The following FUBP1 variants were observed in gnomAD, a reference collection of about 807,000 sequenced individuals.
FUBP1 encodes the protein far upstream element binding protein 1.
FUBP1 carries 16 observed loss-of-function variants against 94.9 expected under a neutral mutation model. The observed-to-expected ratio is 0.17, with a 90% CI of 0.11 to 0.26. FUBP1 has a LOEUF of 0.26. FUBP1 is among the 10% of genes least tolerant of loss of function. The pLI is 1.00. For synonymous variants in FUBP1, 279 were observed against 254.9 expected (o/e 1.09, Z -0.90); for missense variants, 583 against 808.6 (o/e 0.72, Z 3.38).
At position 77,945,831 on chromosome 1, in the gene FUBP1, T is replaced by C. The variant is rs944823439; in HGVS notation, c.*2935A>G. The stretch of plus-strand genomic sequence containing the variant: ...CATCTATAAAAACACACAAACATTT[T>C]AAACTGGCAAAAAAATTAAATGCAG... On this transcript the variant is annotated 3_prime_UTR_variant, in exon 20 of 20. Transcript: ENST00000370768. The C allele has an allele frequency of 1.9e-5, 4 of 212,116 alleles. No homozygotes were observed. Among genetic ancestry groups the C allele is most frequent in the African/African-American group, 9.0e-5 (4 of 44,226 alleles). The allele number at this position is 212,116 out of a possible 1,614,324, so 13.1% of individuals were successfully genotyped here.
chr1:77,971,381 A>G (rs998505570), intron 1 of FUBP1, among the ~76,000 whole-genome samples: 1 of 152,248 alleles, frequency 6.6e-6, no homozygotes, highest in African/African-American at 2.4e-5. Context: ...CCCCATATGG[A>G]TAACTGCTTC....
chr1:77,977,039 T>C (rs1460208315), intron 1 of FUBP1, among the ~76,000 whole-genome samples: 1 of 152,182 alleles, frequency 6.6e-6, no homozygotes, highest in African/African-American at 2.4e-5. Context: ...AAATTGGGCA[T>C]CCCCTCCTAA....
Position 77,964,272 on chromosome 1 carries a change from G to A in FUBP1, c.922C>T (p.Arg308Cys), listed in dbSNP as rs2102394784. The change falls in exon 11 of 20, where the codon CGC (arginine) becomes TGC (cysteine). Residue 308 changes from arginine (R) to cysteine (C), a missense_variant. By Grantham distance (180) the Arg-to-Cys change is radical. Transcript: ENST00000370768. ...TACTCACCTGGCTTAAACTGAATGC[G>A]AACACCAGCATCATTTTGTATTTTT... ...IKKIQNDAGVRIQFKPDDGTT... is the reference protein window; with the variant it reads ...IKKIQNDAGVCIQFKPDDGTT... The A allele has an allele frequency of 1.2e-6, 2 of 1,607,076 alleles. No individual in the cohort carries two copies. Among genetic ancestry groups the A allele is most frequent in the Non-Finnish European group, 1.7e-6 (2 of 1,175,086 alleles).
rs1049228502 is a variant in FUBP1 at position 77,948,506 on chromosome 1, T to C, written c.*260A>G. On this transcript the variant is annotated 3_prime_UTR_variant, in exon 20 of 20. Coordinates refer to ENST00000370768, the MANE Select transcript of FUBP1 (RefSeq NM_003902.5). ...ATATCACAAAGCATCAACCACATAA[T>C]TGCAAATACATTTGCTGGAATGTGT... 15 of 1,236,866 alleles carry C rather than the reference T, an allele frequency of 1.2e-5. No homozygotes were observed. Among genetic ancestry groups the C allele is most frequent in the Non-Finnish European group, 1.2e-5 (12 of 984,438 alleles). The allele number at this position is 1,236,866 out of a possible 1,614,324, so 76.6% of individuals were successfully genotyped here.
At position 77,979,006 on chromosome 1, in the gene FUBP1, G is replaced by T. The variant is rs772712362; in HGVS notation, c.-2C>A. 2 of 1,610,628 alleles carry T rather than the reference G, an allele frequency of 1.2e-6. No homozygotes were observed. Among genetic ancestry groups the T allele is most frequent in the East Asian group, 2.2e-5 (1 of 44,798 alleles). On this transcript the variant is annotated 5_prime_UTR_variant, in exon 1 of 20. Transcript: ENST00000370768. ...AGGCACTGTTGAATAGTCTGCCATG[G>T]TTGCACTATAAGAGCCGCTGCCGCC...
At position 77,947,932 on chromosome 1, in the gene FUBP1, C is replaced by T; in HGVS notation, c.*834G>A. On this transcript the variant is annotated 3_prime_UTR_variant, in exon 20 of 20. Transcript: ENST00000370768. The stretch of plus-strand genomic sequence containing the variant: ...TATATACATTGAAAGAGTTGCTTCA[C>T]ATGGAAAAAAACTGTTCTTATTAGA... The T allele has an allele frequency of 2.0e-6, 2 of 1,003,236 alleles. No homozygotes were observed. The highest frequency in any genetic ancestry group is 5.4e-5 in the East Asian group (1 of 18,384). 62.1% of individuals were successfully genotyped at this position (1,003,236 alleles called of 1,614,324 possible). A position where few individuals can be genotyped will look rare whatever the true frequency, so the allele number is the denominator to read the frequency against.
intron 4 of FUBP1, 128 bp downstream of exon 4, chr1:77,967,499 G>A (rs1656726843): frequency 6.1e-6 from 4 of 657,590 alleles, no homozygotes; most frequent in Non-Finnish European, 7.8e-6. Context: ...TTCCCAAGGG[G>A]AGTGATATGA....
chr1:77,947,803 G>T lies in FUBP1; in HGVS notation c.*963C>A. 5.3e-6 allele frequency: 5 copies of T among 946,448 alleles called. No homozygotes were observed. The highest frequency in any genetic ancestry group is 1.7e-5 in the African/African-American group (1 of 58,866). 58.6% of individuals were successfully genotyped at this position (946,448 alleles called of 1,614,324 possible). ...ATAAAGAAAAAAAAAAAGCTTGAAC[G>T]TTTCCATACCCCATTTATGTTTCAA... is the stretch of plus-strand genomic sequence containing the variant. On this transcript the variant is annotated 3_prime_UTR_variant, in exon 20 of 20. Coordinates refer to ENST00000370768, the MANE Select transcript of FUBP1 (RefSeq NM_003902.5).
intron 7 of FUBP1, among the ~76,000 whole-genome samples, chr1:77,966,037 C>T (rs1054399787): frequency 2.0e-5 from 3 of 152,124 alleles, no homozygotes; most frequent in African/African-American, 7.2e-5. Flanking sequence ...AAGAAAAAAC[C>T]TAGTAATGAG....
Position 77,956,662 on chromosome 1 carries a change from C to T in FUBP1, c.1615G>A (p.Ala539Thr), listed in dbSNP as rs772067755. 4 of 1,611,802 alleles carry T rather than the reference C, an allele frequency of 2.5e-6. No homozygotes were observed. The highest frequency in any genetic ancestry group is 3.4e-6 in the Non-Finnish European group (4 of 1,178,196). Residue 539 changes from alanine (A) to threonine (T), a missense_variant, in exon 17 of 20, where the codon GCT becomes ACT. Ala to Thr is a moderately conservative substitution (Grantham distance 58). Coordinates refer to ENST00000370768, the MANE Select transcript of FUBP1 (RefSeq NM_003902.5). ...TGTTGATAATAGTGAGCGTAATAAG[C>T]AGCCCAAGCTGCTGAATTTGGATCC... The part of the protein sequence containing the change: ...GTDPNSAAWA[A>T]YYAHYYQQQA...
At chr1:77,966,304 C>T (rs1656479980) in intron 7 of FUBP1, among the ~76,000 whole-genome samples, 1 of 152,042 alleles carries the variant, frequency 6.6e-6, no homozygotes, top group Non-Finnish European at 1.5e-5. Context: ...TGGGGAAATA[C>T]AGTATTAAAG....
chr1:77,965,306 T>C, intron 7 of FUBP1, 75 bp from the exon 8 acceptor site: 1 of 964,606 alleles, frequency 1.0e-6, no homozygotes, highest in South Asian at 1.7e-5. Flanking sequence ...TATAAAACAA[T>C]ATAACCAAGT....
chr1:77,949,175 G>T lies in FUBP1; in HGVS notation c.1906C>A (p.Gln636Lys). Residue 636 changes from glutamine to lysine, a missense_variant, in exon 19 of 20, where the codon CAG becomes AAG. Transcript: ENST00000370768. ...YAQTSPQGMP[Q>K]HPPAPQGQ The stretch of plus-strand genomic sequence containing the variant: ...TATACCTGAGGTGCTGGAGGATGCT[G>T]TGGCATTCCCTGGGGACTTGTCTGG... 6.2e-7 allele frequency: 1 copy of T among 1,613,082 alleles called. No homozygotes were observed. Among genetic ancestry groups the T allele is most frequent in the Non-Finnish European group, 8.5e-7 (1 of 1,179,240 alleles).
At chr1:77,966,822 TAAAA>T in intron 6 of FUBP1, 58 bp downstream of exon 6, 2 of 1,059,080 alleles carry the variant, frequency 1.9e-6, no homozygotes, top group South Asian at 1.4e-5. Flanking sequence ...CTAGAAGGCT[TAAAA>T]AAAAAAAAAA....
rs1366289289 is a variant in FUBP1, at chr1:77,963,555, A to G, written c.1183+19T>C. ...AAATGAATAATGTGTTAAAACATTA[A>G]GAGTTTAAAATACATTGCCTTTTCC... is the stretch of plus-strand genomic sequence containing the variant. On this transcript the variant is annotated intron_variant, in intron 13 of 19. Coordinates refer to ENST00000370768, the MANE Select transcript of FUBP1 (RefSeq NM_003902.5). 10 of 1,440,728 alleles carry G rather than the reference A, an allele frequency of 6.9e-6. No homozygotes were observed. Among genetic ancestry groups the G allele is most frequent in the African/African-American group, 2.8e-5 (2 of 71,326 alleles). 89.2% of individuals were successfully genotyped at this position (1,440,728 alleles called of 1,614,324 possible). A position where few individuals can be genotyped will look rare whatever the true frequency, so the allele number is the denominator to read the frequency against.
intron 18 of FUBP1, 135 bp from the exon 19 acceptor site, chr1:77,949,435 C>CAA (rs201574163): frequency 2.9e-4 from 143 of 498,408 alleles, no homozygotes; most frequent in African/African-American, 1.3e-3. Context: ...CCTTGTTGAC[C>CAA]AAAAAAAAAA....
chr1:77,949,135 A>G lies in FUBP1; in HGVS notation c.1926+20T>C, dbSNP rs1267749214. The G allele has an allele frequency of 6.2e-7, 1 of 1,603,850 alleles. No homozygotes were observed. The highest frequency in any genetic ancestry group is 1.7e-5 in the Admixed American group (1 of 59,628). ...AAACAGACTGGAGTAGAAATCAACA[A>G]ATTAGCAATTACATTATACCTGAGG... On this transcript the variant is annotated intron_variant, in intron 19 of 19. Coordinates refer to ENST00000370768, the MANE Select transcript of FUBP1 (RefSeq NM_003902.5).
In FUBP1 at chr1:77,964,757, A is replaced by C. The variant is rs753928799; in HGVS notation, c.736-10T>G. On this transcript the variant is annotated splice_polypyrimidine_tract_variant and intron_variant, in intron 9 of 19. Coordinates refer to ENST00000370768, the MANE Select transcript of FUBP1 (RefSeq NM_003902.5). ...CCATTTCCTTGGCTTGCTAAAGCAG[A>C]AAAAGTTAGCTAATTTAGAAAGCAT... is the stretch of plus-strand genomic sequence containing the variant. 1.1e-5 allele frequency: 18 copies of C among 1,595,308 alleles called. No individual in the cohort carries two copies. Among genetic ancestry groups the C allele is most frequent in the African/African-American group, 5.4e-5 (4 of 74,562 alleles).
chr1:77,951,285 C>A (rs1653415230), intron 18 of FUBP1, among the ~76,000 whole-genome samples: 1 of 152,206 alleles, frequency 6.6e-6, no homozygotes, highest in African/African-American at 2.4e-5. Context: ...AAAACTACAA[C>A]CTCTGCAAAC....
Sources: gnomAD v4.1 joint callset for allele counts (sites outside exome capture counted in the v4.1 genomes callset) on GRCh38, gnomAD v4.1.1 for gene constraint, MANE v1.5 for transcripts, NCBI Gene and HGNC (gene_info 2026-07-23, HGNC 2026-07-21) for gene names.